Variants in MN1 observed in about 807,000 individuals in gnomAD.
MN1 encodes transcriptional activator MN1.
A neutral mutation model predicts 86.9 loss-of-function variants in MN1; 19 were observed. The observed-to-expected ratio is 0.22, with a 90% confidence interval of 0.15 to 0.32. The LOEUF is 0.32. Ranked by LOEUF, MN1 falls within the 10% of genes least tolerant of loss-of-function variation. The pLI is 1.00. For missense variants in MN1, 1,841 were observed against 1,862.0 expected (o/e 0.99, Z 0.21); for synonymous variants, 928 against 849.6 (o/e 1.09, Z -1.60).
At chr22:27,751,214 T>C in intron 1 of MN1, 118 bp from the exon 2 acceptor site, 1 of 688,858 alleles carries the variant, frequency 1.5e-6, no homozygotes. Context: ...CCTCTTTCCA[T>C]GGCTAAAGCT....
intron 1 of MN1, among the ~76,000 whole-genome samples, chr22:27,772,740 G>A (rs1932930142): frequency 6.6e-6 from 1 of 152,230 alleles, no homozygotes; most frequent in Admixed American, 6.5e-5. Flanking sequence ...AATAAGAATA[G>A]TAAACTGTTC....
Position 27,800,618 on chromosome 22 carries a change from C to T in MN1, c.-75G>A, listed in dbSNP as rs1243621500. 8 of 1,599,282 alleles carry T rather than the reference C, an allele frequency of 5.0e-6. No homozygotes were observed. Among genetic ancestry groups the T allele is most frequent in the East Asian group, 2.2e-5 (1 of 44,578 alleles). On this transcript the variant is annotated 5_prime_UTR_variant, in exon 1 of 2. Coordinates refer to ENST00000302326, the MANE Select transcript of MN1 (RefSeq NM_002430.3). ...CGCGGCGCGCCTCCGGCCAGCTACT[C>T]GTTCCAGCCCAGGATTGGGCGCTCC...
At chr22:27,782,701 G>T (rs1933070256) in intron 1 of MN1, among the ~76,000 whole-genome samples, 1 of 152,150 alleles carries the variant, frequency 6.6e-6, no homozygotes, top group Non-Finnish European at 1.5e-5. Flanking sequence ...CACCGATGAG[G>T]AAATGAAGGA....
chr22:27,797,544 G>C lies in MN1; in HGVS notation c.3000C>G (p.Pro1000=). The C allele has an allele frequency of 9.9e-6, 16 of 1,608,042 alleles. No individual in the cohort carries two copies. The highest frequency in any genetic ancestry group is 1.4e-5 in the Non-Finnish European group (16 of 1,178,334). ...SAGETRGAPT[P]HEKALTSPSW... Reference sequence around the variant, plus strand: ...ATGGCGACGTGAGCGCCTTTTCGTGGGGCGTCGGTGCCCCGCGCGTCTCGC... The same window carrying C: ...ATGGCGACGTGAGCGCCTTTTCGTGCGGCGTCGGTGCCCCGCGCGTCTCGC... The change falls in exon 1 of 2, where the codon CCC becomes CCG. Residue 1000 remains proline (P), a synonymous_variant. Transcript: ENST00000302326.
At position 27,798,839 on chromosome 22, in the gene MN1, G is replaced by C. The variant is rs2146317078; in HGVS notation, c.1705C>G (p.Arg569Gly). Reference sequence around the variant, plus strand: ...TGAGCCAGGTTGGGCTGGCGCAGCCGCTGCTGCTGATTCCGCGACGCCATC... The same window carrying C: ...TGAGCCAGGTTGGGCTGGCGCAGCCCCTGCTGCTGATTCCGCGACGCCATC... ...KQMASRNQQQRLRQPNLAQLG... is the reference protein window; with the variant it reads ...KQMASRNQQQGLRQPNLAQLG... The change falls in exon 1 of 2, where the codon CGG becomes GGG. Residue 569 changes from arginine to glycine, a missense_variant. Transcript: ENST00000302326. 1 of 1,540,264 alleles carries C rather than the reference G, an allele frequency of 6.5e-7. No homozygotes were observed. The highest frequency in any genetic ancestry group is 8.7e-7 in the Non-Finnish European group (1 of 1,146,664).
chr22:27,796,337 T>C (rs993787150), intron 1 of MN1, among the ~76,000 whole-genome samples: 1 of 152,000 alleles, frequency 6.6e-6, no homozygotes, highest in African/African-American at 2.4e-5. Flanking sequence ...TTAACACAAC[T>C]TCCCAGGTGT....
At position 27,776,473 on chromosome 22, in the gene MN1, T is replaced by C. The variant is rs563792952; in HGVS notation, c.3781+20290A>G. 2.1e-4 allele frequency among the ~76,000 whole-genome samples: 32 copies of C among 152,080 alleles called. 1 individual carries two copies. The South Asian group carries it at 6.4e-3, about 31-fold the overall frequency. On this transcript the variant is annotated intron_variant, in intron 1 of 1. Coordinates refer to ENST00000302326, the MANE Select transcript of MN1 (RefSeq NM_002430.3). ...AAAAAATAATAATAATCAAATAGAA[T>C]ACAGAGCACAATCCAAAGTCTACCA...
At position 27,797,731 on chromosome 22, in the gene MN1, C is replaced by A; in HGVS notation, c.2813G>T (p.Gly938Val). Residue 938 changes from glycine to valine, a missense_variant, in exon 1 of 2, where the codon GGC becomes GTC. By Grantham distance (109) the Gly-to-Val change is moderately radical. Transcript: ENST00000302326. The stretch of plus-strand genomic sequence containing the variant: ...TCTGCGACCCCGTCCCCGGCCGCCG[C>A]CCCCGGAGACCGGCTTGCCGTCATT... ...SGNDGKPVSG[G>V]GGRGRGRRKR... 1.2e-6 allele frequency: 2 copies of A among 1,611,464 alleles called. No individual in the cohort carries two copies. Among genetic ancestry groups the A allele is most frequent in the Non-Finnish European group, 1.7e-6 (2 of 1,179,432 alleles).
chr22:27,795,226 G>A (rs1423514701), intron 1 of MN1, among the ~76,000 whole-genome samples: 1 of 152,120 alleles, frequency 6.6e-6, no homozygotes, highest in Non-Finnish European at 1.5e-5. Flanking sequence ...CCTGGGCTGG[G>A]CAGTAACCGC....
At position 27,799,269 on chromosome 22, in the gene MN1, A is replaced by C; in HGVS notation, c.1275T>G (p.Pro425=). 1 of 1,582,566 alleles carries C rather than the reference A, an allele frequency of 6.3e-7. No homozygotes were observed. The highest frequency in any genetic ancestry group is 8.6e-7 in the Non-Finnish European group (1 of 1,163,008). Residue 425 remains proline (P), a synonymous_variant, in exon 1 of 2, where the codon CCT becomes CCG. Transcript: ENST00000302326. ...GAGGAGGATGCTGCATGCTGAAAAC[A>C]GGCTCGGAATAAGGGTGCATGCTCC... is the stretch of plus-strand genomic sequence containing the variant. ...ENRSMHPYSE[P]VFSMQHPPPQ...
At chr22:27,787,441 A>C (rs925896173) in intron 1 of MN1, among the ~76,000 whole-genome samples, 5 of 152,188 alleles carry the variant, frequency 3.3e-5, no homozygotes, top group African/African-American at 9.6e-5. Flanking sequence ...AGAGACTCTT[A>C]ATTTCTCCAG....
Position 27,750,311 on chromosome 22 carries a change from A to T in MN1, c.*604T>A, listed in dbSNP as rs1932752548. Reference sequence around the variant, plus strand: ...GGCGGAATACCTAAGAGGGGCATTCATTGTTTGGCTCCTGCCTGACTGATG... The same window carrying T: ...GGCGGAATACCTAAGAGGGGCATTCTTTGTTTGGCTCCTGCCTGACTGATG... On this transcript the variant is annotated 3_prime_UTR_variant, in exon 2 of 2. Coordinates refer to ENST00000302326, the MANE Select transcript of MN1 (RefSeq NM_002430.3). 2 of 231,130 alleles carry T rather than the reference A, an allele frequency of 8.7e-6. No homozygotes were observed. The highest frequency in any genetic ancestry group is 4.4e-5 in the African/African-American group (2 of 45,246). 14.3% of individuals were successfully genotyped at this position (231,130 alleles called of 1,614,324 possible). A position where few individuals can be genotyped will look rare whatever the true frequency, so the allele number is the denominator to read the frequency against.
rs547562110 is a variant in MN1 at position 27,791,658 on chromosome 22, A to G, written c.3781+5105T>C. 2.6e-5 allele frequency: 4 copies of G among 151,346 alleles called. No individual in the cohort carries two copies. The South Asian group carries it at 8.3e-4, about 31-fold the overall frequency. 9.4% of individuals were successfully genotyped at this position (151,346 alleles called of 1,614,324 possible). ...TTGGGAGGCCTGCTTGCTCCCACAC[A>G]CTCCCCAGACATTTGATCCTATTAT... On this transcript the variant is annotated intron_variant, in intron 1 of 1. Coordinates refer to ENST00000302326, the MANE Select transcript of MN1 (RefSeq NM_002430.3).
chr22:27,769,462 C>T (rs1222819060), intron 1 of MN1, among the ~76,000 whole-genome samples: 3 of 151,404 alleles, frequency 2.0e-5, no homozygotes, highest in African/African-American at 7.3e-5. Context: ...GGTGGAAATT[C>T]GCAATCCTCA....
intron 1 of MN1, among the ~76,000 whole-genome samples, chr22:27,770,378 G>A (rs1932903957): frequency 6.6e-6 from 1 of 152,186 alleles, no homozygotes; most frequent in South Asian, 2.1e-4. Context: ...GACTGAGGTG[G>A]CTCCCAGTCC....
At chr22:27,762,799 A>C (rs1272788542) in intron 1 of MN1, among the ~76,000 whole-genome samples, 1 of 152,170 alleles carries the variant, frequency 6.6e-6, no homozygotes, top group Non-Finnish European at 1.5e-5. Context: ...TAATAAAAAA[A>C]AAAAGTAAAC....
intron 1 of MN1, among the ~76,000 whole-genome samples, chr22:27,790,695 G>C (rs1341972730): frequency 1.4e-5 from 2 of 140,704 alleles, no homozygotes; most frequent in African/African-American, 2.5e-5. Context: ...GGTGGGGGGG[G>C]AGTAAAGAAG....
At chr22:27,783,830 G>A (rs1390300625) in intron 1 of MN1, among the ~76,000 whole-genome samples, 1 of 152,204 alleles carries the variant, frequency 6.6e-6, no homozygotes, top group Non-Finnish European at 1.5e-5. Context: ...TGTCAAGTCT[G>A]GACGTCTAAG....
intron 1 of MN1, among the ~76,000 whole-genome samples, chr22:27,777,514 C>A (rs1370456598): frequency 7.2e-6 from 1 of 138,058 alleles, no homozygotes; most frequent in Non-Finnish European, 1.5e-5. Flanking sequence ...GCCTAAGTGA[C>A]AGAGCTAGAC....
Sources: allele counts gnomAD v4.1 joint callset (sites outside exome capture counted in the v4.1 genomes callset), GRCh38; gene constraint gnomAD v4.1.1; transcripts MANE v1.5; gene names NCBI Gene and HGNC (gene_info 2026-07-23, HGNC 2026-07-21).